The following DDOST variants were observed in gnomAD, a reference collection of about 807,000 sequenced individuals.
DDOST encodes dolichyl-diphosphooligosaccharide--protein glycosyltransferase 48 kDa subunit.
DDOST carries 25 observed loss-of-function variants against 47.6 expected under a neutral mutation model. That is an observed-to-expected ratio of 0.53 (90% CI 0.38 to 0.73). The LOEUF is 0.73. Among genes scored for constraint, DDOST ranks in the 30% least tolerant of loss-of-function variants. DDOST has a pLI of 0.00. For missense variants in DDOST, 526 were observed against 573.9 expected (o/e 0.92, Z 0.85); for synonymous variants, 275 against 236.0 (o/e 1.17, Z -1.51).
chr1:20,653,124 ATC>A, intron 8 of DDOST, 153 bp from the exon 9 acceptor site: 1 of 794,700 alleles, frequency 1.3e-6, no homozygotes. Flanking sequence ...CCCGGCCCTG[ATC>A]AGTAACCAGT....
In DDOST at chr1:20,656,199, C is replaced by T; in HGVS notation, c.266-12G>A. ...GTTGCCTCCAAAATCTGAAAGCAGG[C>T]ACCAGACACAGTGACCCAGAGGTCT... On this transcript the variant is annotated splice_polypyrimidine_tract_variant and intron_variant, in intron 2 of 10. Coordinates refer to ENST00000602624, the MANE Select transcript of DDOST (RefSeq NM_005216.5). 6.2e-7 allele frequency: 1 copy of T among 1,611,612 alleles called. No homozygotes were observed. The highest frequency in any genetic ancestry group is 2.2e-5 in the East Asian group (1 of 44,870).
intron 5 of DDOST, 65 bp from the exon 6 acceptor site, chr1:20,654,772 C>T (rs904066441): frequency 2.1e-4 from 227 of 1,073,058 alleles, no homozygotes; most frequent in Non-Finnish European, 2.8e-4. Context: ...ATGGGATCCC[C>T]GAGAGCCAGT....
At chr1:20,656,274 G>A in intron 2 of DDOST, 87 bp from the exon 3 acceptor site, 3 of 1,027,396 alleles carry the variant, frequency 2.9e-6, no homozygotes, top group Admixed American at 1.8e-5. Context: ...GAAGGGCAGA[G>A]CAGCCACGAT....
In DDOST at chr1:20,655,186, T is replaced by G. The variant is rs710318; in HGVS notation, c.551+254A>C. Among the ~76,000 whole-genome samples, 58,167 of 148,728 alleles carry G rather than the reference T, an allele frequency of 0.39. 11,456 individuals carry two copies. The highest frequency in any genetic ancestry group is 0.45 in the Middle Eastern group (132 of 294). On this transcript the variant is annotated intron_variant, in intron 5 of 10. Coordinates refer to ENST00000602624, the MANE Select transcript of DDOST (RefSeq NM_005216.5). ...ACTTTTTTTTGTTTTTTTTTTTTTT[T>G]TTTTTTTTTAAAGAGAGGAGTTCTG... is the stretch of plus-strand genomic sequence containing the variant.
In DDOST at chr1:20,655,506, T is replaced by C; in HGVS notation, c.485A>G (p.Asn162Ser). ...AACGATGGTTGGGGCCTTCAGCAGG[T>C]TCTCAGTGTCAGCCACGATGAGCGT... ...QHTLIVADTE[N>S]LLKAPTIVGK... Residue 162 changes from asparagine to serine, a missense_variant, in exon 5 of 11, where the codon AAC (asparagine) becomes AGC (serine). Coordinates refer to ENST00000602624, the MANE Select transcript of DDOST (RefSeq NM_005216.5). The C allele has an allele frequency of 1.2e-6, 2 of 1,614,144 alleles. No homozygotes were observed. The highest frequency in any genetic ancestry group is 1.7e-6 in the Non-Finnish European group (2 of 1,180,008).
Position 20,654,640 on chromosome 1 carries a change from A to C in DDOST, c.619T>G (p.Phe207Val), listed in dbSNP as rs145758022. The C allele has an allele frequency of 1.4e-5, 22 of 1,564,704 alleles. No individual in the cohort carries two copies. Among genetic ancestry groups the C allele is most frequent in the Non-Finnish European group, 1.9e-5 (22 of 1,153,390 alleles). ...ILTGSSTSYSFFPDKPITQYP... is the reference protein window; with the variant it reads ...ILTGSSTSYSVFPDKPITQYP... ...TGGGTGATAGGCTTGTCCGGGAAGAAGGAGTAAGAGGTGGAAGAGCCCGTC... is the reference window on the plus strand; with the variant it reads ...TGGGTGATAGGCTTGTCCGGGAAGACGGAGTAAGAGGTGGAAGAGCCCGTC... The change falls in exon 6 of 11, where the codon TTC becomes GTC. Residue 207 changes from phenylalanine to valine, a missense_variant. By Grantham distance (50) the Phe-to-Val change is conservative (BLOSUM62 -1). Coordinates refer to ENST00000602624, the MANE Select transcript of DDOST (RefSeq NM_005216.5).
chr1:20,653,944 G>T (rs1173557365), intron 7 of DDOST, among the ~76,000 whole-genome samples, 170 bp from the exon 8 acceptor site: 1 of 152,180 alleles, frequency 6.6e-6, no homozygotes, highest in Non-Finnish European at 1.5e-5. Flanking sequence ...CAAACGAAAA[G>T]ATATGGCTGG....
At position 20,654,207 on chromosome 1, in the gene DDOST, G is replaced by A; in HGVS notation, c.794+16C>T. On this transcript the variant is annotated intron_variant, in intron 7 of 10. Coordinates refer to ENST00000602624, the MANE Select transcript of DDOST (RefSeq NM_005216.5). ...CACCACCCGGATCCCCGGCCCCTAAGCCTCCTGGCAGCTACCTCTGGGAGC... is the reference window on the plus strand; with the variant it reads ...CACCACCCGGATCCCCGGCCCCTAAACCTCCTGGCAGCTACCTCTGGGAGC... 1 of 1,550,076 alleles carries A rather than the reference G, an allele frequency of 6.5e-7. No individual in the cohort carries two copies. Among genetic ancestry groups the A allele is most frequent in the Non-Finnish European group, 8.7e-7 (1 of 1,146,862 alleles).
chr1:20,654,454 C>A (rs2053342825), intron 6 of DDOST, 83 bp from the exon 7 acceptor site: 1 of 1,513,148 alleles, frequency 6.6e-7, no homozygotes, highest in African/African-American at 1.4e-5. Context: ...GGACAGCAGG[C>A]CAGACCAAAA....
At position 20,652,179 on chromosome 1, in the gene DDOST, T is replaced by C. The variant is rs1335507025; in HGVS notation, c.*200A>G. The C allele has an allele frequency of 3.9e-6, 2 of 513,766 alleles. No homozygotes were observed. Among genetic ancestry groups the C allele is most frequent in the South Asian group, 3.3e-5 (1 of 30,740 alleles). 31.8% of individuals were successfully genotyped at this position (513,766 alleles called of 1,614,324 possible). A position where few individuals can be genotyped will look rare whatever the true frequency, so the allele number is the denominator to read the frequency against. The stretch of plus-strand genomic sequence containing the variant: ...ACTGCACATAGGAAAAATGCCACTT[T>C]TAGCAATTCAAAGTGGAAAAACTTC... On this transcript the variant is annotated 3_prime_UTR_variant, in exon 11 of 11. Transcript: ENST00000602624.
Position 20,654,214 on chromosome 1 carries a change from G to A in DDOST, c.794+9C>T. The A allele has an allele frequency of 6.5e-7, 1 of 1,550,308 alleles. No homozygotes were observed. The highest frequency in any genetic ancestry group is 8.7e-7 in the Non-Finnish European group (1 of 1,146,898). The stretch of plus-strand genomic sequence containing the variant: ...CGGATCCCCGGCCCCTAAGCCTCCT[G>A]GCAGCTACCTCTGGGAGCCGGGCGC... On this transcript the variant is annotated intron_variant, in intron 7 of 10. Transcript: ENST00000602624.
intron 6 of DDOST, 29 bp from the exon 7 acceptor site, chr1:20,654,400 G>C: frequency 1.3e-6 from 2 of 1,553,296 alleles, no homozygotes; most frequent in Non-Finnish European, 1.7e-6. Flanking sequence ...TGTGACCCAA[G>C]CAGTTCCAAG....
At position 20,652,318 on chromosome 1, in the gene DDOST, C is replaced by A; in HGVS notation, c.*61G>T. 6.8e-7 allele frequency: 1 copy of A among 1,463,314 alleles called. No homozygotes were observed. The highest frequency in any genetic ancestry group is 1.4e-5 in the South Asian group (1 of 71,142). 90.6% of individuals were successfully genotyped at this position (1,463,314 alleles called of 1,614,324 possible). ...TTTAAACAAAGCAAAACAAAACCAC[C>A]AATCCTAATAACCCCCCTCCTTGCC... On this transcript the variant is annotated 3_prime_UTR_variant, in exon 11 of 11. Coordinates refer to ENST00000602624, the MANE Select transcript of DDOST (RefSeq NM_005216.5).
rs986993375 is a variant in DDOST, at chr1:20,660,920, G to A, written c.226C>T (p.Leu76Phe). 5.6e-6 allele frequency: 9 copies of A among 1,613,430 alleles called. No individual in the cohort carries two copies. The highest frequency in any genetic ancestry group is 2.2e-5 in the East Asian group (1 of 44,862). Reference sequence around the variant, plus strand: ...GAGAAAATGATGAGATTGTCATAGAGGAATTCCCCATACTTTATGAGAGAC... The same window carrying A: ...GAGAAAATGATGAGATTGTCATAGAAGAATTCCCCATACTTTATGAGAGAC... Reference protein sequence around the residue: ...SLSLIKYGEFLYDNLIIFSPS... With the variant: ...SLSLIKYGEFFYDNLIIFSPS... The change falls in exon 2 of 11, where the codon CTC becomes TTC. Residue 76 changes from leucine (L) to phenylalanine (F), a missense_variant. Coordinates refer to ENST00000602624, the MANE Select transcript of DDOST (RefSeq NM_005216.5).
rs1473355052 is a variant in DDOST, at chr1:20,660,951, G to A, written c.195C>T (p.Pro65=). The A allele has an allele frequency of 3.1e-6, 5 of 1,613,722 alleles. No homozygotes were observed. In the African/African-American group the frequency reaches 4.0e-5, roughly 13 times the overall value. The stretch of plus-strand genomic sequence containing the variant: ...CCCCATACTTTATGAGAGACAGGCT[G>A]GGGTCATCAGCGGTCTTGAATGTGA... ...FELTFKTADD[P]SLSLIKYGEF... is the part of the protein sequence containing the mutation. The change falls in exon 2 of 11, where the codon CCC becomes CCT. Residue 65 remains proline (P), a synonymous_variant. Coordinates refer to ENST00000602624, the MANE Select transcript of DDOST (RefSeq NM_005216.5).
chr1:20,656,144 A>C lies in DDOST; in HGVS notation c.309T>G (p.Ile103Met). ...NINVETISAF[I>M]DGGGSVLVAA... ...CTACCAGCACACTGCCTCCGCCGTC[A>C]ATAAAGGCACTGATGGTCTCCACGT... The change falls in exon 3 of 11, where the codon ATT (isoleucine) becomes ATG (methionine). Residue 103 changes from isoleucine (I) to methionine (M), a missense_variant. By Grantham distance (10) the Ile-to-Met change is conservative. Coordinates refer to ENST00000602624, the MANE Select transcript of DDOST (RefSeq NM_005216.5). 1.2e-6 allele frequency: 2 copies of C among 1,614,176 alleles called. No homozygotes were observed. The highest frequency in any genetic ancestry group is 1.7e-6 in the Non-Finnish European group (2 of 1,180,010).
intron 2 of DDOST, chr1:20,660,440 TA>T (rs2053422845): frequency 6.4e-6 from 1 of 155,186 alleles, no homozygotes; most frequent in Non-Finnish European, 1.4e-5. Context: ...AGATAATTGC[TA>T]AGGCTCTTTT....
At chr1:20,660,023 A>G (rs979544133) in intron 2 of DDOST, among the ~76,000 whole-genome samples, 1 of 152,232 alleles carries the variant, frequency 6.6e-6, no homozygotes, top group Non-Finnish European at 1.5e-5. Context: ...TCTTTTAAGA[A>G]AAAGATAAAC....
intron 3 of DDOST, 103 bp from the exon 4 acceptor site, chr1:20,655,882 T>C: frequency 1.0e-6 from 1 of 999,730 alleles, no homozygotes; most frequent in Non-Finnish European, 1.6e-6. Flanking sequence ...CCCAGTGCCC[T>C]GCAGCTTCAT....
Sources: gnomAD v4.1 joint callset for allele counts (sites outside exome capture counted in the v4.1 genomes callset) on GRCh38, gnomAD v4.1.1 for gene constraint, MANE v1.5 for transcripts, NCBI Gene and HGNC (gene_info 2026-07-23, HGNC 2026-07-21) for gene names.